The following RASSF5 variants were observed in gnomAD, a reference collection of about 807,000 sequenced individuals.
RASSF5 encodes the protein ras association domain-containing protein 5.
RASSF5 carries 25 observed loss-of-function variants against 40.5 expected under a neutral mutation model. That is an observed-to-expected ratio of 0.62 (90% CI 0.45 to 0.86). The LOEUF (loss-of-function observed/expected upper bound fraction) is 0.86. Among genes scored for constraint, RASSF5 ranks in the 40% least tolerant of loss-of-function variants. The pLI is 0.00. For synonymous variants in RASSF5, 246 were observed against 252.4 expected (o/e 0.97, Z 0.24); for missense variants, 521 against 572.8 (o/e 0.91, Z 0.92).
intron 2 of RASSF5, chr1:206,545,027 T>TG (rs71570011): frequency 1.3e-5 from 2 of 151,498 alleles, no homozygotes; most frequent in Non-Finnish European, 2.9e-5. Flanking sequence ...GTGCTGGGGG[T>TG]GGGGGGATGT....
intron 2 of RASSF5, among the ~76,000 whole-genome samples, chr1:206,582,396 T>C (rs1668926936): frequency 6.6e-6 from 1 of 152,202 alleles, no homozygotes; most frequent in African/African-American, 2.4e-5. Context: ...TTCTGTTTCA[T>C]TCTGTACATA....
chr1:206,524,003 G>A (rs1217251914), intron 1 of RASSF5, among the ~76,000 whole-genome samples: 126 of 105,106 alleles, frequency 1.2e-3, no homozygotes, highest in African/African-American at 3.0e-3. Context: ...ATCATATATA[G>A]TATATTTTAT....
intron 2 of RASSF5, among the ~76,000 whole-genome samples, chr1:206,565,594 C>T (rs1240855676): frequency 6.6e-6 from 1 of 152,196 alleles, no homozygotes; most frequent in Non-Finnish European, 1.5e-5. Context: ...TGTAACAGAC[C>T]CTAGCTGCTC....
At chr1:206,559,444 G>T (rs917770192) in intron 2 of RASSF5, among the ~76,000 whole-genome samples, 4 of 152,216 alleles carry the variant, frequency 2.6e-5, no homozygotes, top group African/African-American at 9.7e-5. Context: ...ACACTGGGAT[G>T]GGGTTGGTGT....
At chr1:206,522,205 G>A (rs1190398847) in intron 1 of RASSF5, among the ~76,000 whole-genome samples, 1 of 152,076 alleles carries the variant, frequency 6.6e-6, no homozygotes, top group Admixed American at 6.6e-5. Context: ...AGTGAGCTAT[G>A]GGAGGCCCTC....
At chr1:206,582,692 A>G (rs924282181) in intron 2 of RASSF5, among the ~76,000 whole-genome samples, 21 of 152,174 alleles carry the variant, frequency 1.4e-4, no homozygotes, top group African/African-American at 4.8e-4. Flanking sequence ...CTATGTGAAA[A>G]GCACTGTGGC....
intron 1 of RASSF5, among the ~76,000 whole-genome samples, chr1:206,520,025 A>G (rs1291256380): frequency 6.6e-6 from 1 of 152,186 alleles, no homozygotes; most frequent in Non-Finnish European, 1.5e-5. Context: ...AGAATTATTC[A>G]GCAGATCATT....
intron 1 of RASSF5, among the ~76,000 whole-genome samples, chr1:206,523,492 A>G (rs60456447): frequency 5.6e-5 from 1 of 17,792 alleles, no homozygotes; most frequent in Non-Finnish European, 7.8e-5. Flanking sequence ...ATAATATTAT[A>G]TATTATATAT....
intron 1 of RASSF5, among the ~76,000 whole-genome samples, chr1:206,519,068 C>A (rs1553395743): frequency 6.6e-6 from 1 of 152,024 alleles, no homozygotes; most frequent in Non-Finnish European, 1.5e-5. Context: ...GACAGGAGTC[C>A]CGGCCTCGGG....
At chr1:206,521,938 G>T (rs1553396176) in intron 1 of RASSF5, among the ~76,000 whole-genome samples, 1 of 152,210 alleles carries the variant, frequency 6.6e-6, no homozygotes. Flanking sequence ...GGCCGAGAGG[G>T]TATCTGGCAG....
intron 1 of RASSF5, among the ~76,000 whole-genome samples, chr1:206,511,424 T>C (rs781942063): frequency 6.6e-6 from 1 of 152,150 alleles, no homozygotes; most frequent in Non-Finnish European, 1.5e-5. Context: ...TTTCATCTCA[T>C]TTTGGTGGCT....
intron 2 of RASSF5, among the ~76,000 whole-genome samples, chr1:206,581,637 GA>G (rs1558522587): frequency 6.6e-6 from 1 of 150,714 alleles, no homozygotes; most frequent in African/African-American, 2.5e-5. Context: ...AGAGAGGGGG[GA>G]GAGAGAGAGA....
At chr1:206,577,580 AAC>A (rs1409806165) in intron 2 of RASSF5, among the ~76,000 whole-genome samples, 3 of 152,218 alleles carry the variant, frequency 2.0e-5, no homozygotes, top group Non-Finnish European at 4.4e-5. Flanking sequence ...TCAGAAGCCC[AAC>A]ACACACTTGT....
intron 2 of RASSF5, among the ~76,000 whole-genome samples, chr1:206,538,690 A>G (rs968048290): frequency 6.6e-6 from 1 of 152,238 alleles, no homozygotes; most frequent in Non-Finnish European, 1.5e-5. Context: ...CCCAACCTTC[A>G]GAGAGGCTGG....
chr1:206,548,595 A>G (rs1384063525), intron 2 of RASSF5, among the ~76,000 whole-genome samples: 7 of 152,244 alleles, frequency 4.6e-5, no homozygotes, highest in Non-Finnish European at 1.0e-4. Context: ...TCCAAACTGT[A>G]TCACACTGGT....
chr1:206,531,157 G>A lies in RASSF5; in HGVS notation c.458-7015G>A, dbSNP rs1027446108. Reference sequence around the variant, plus strand: ...GAGGTTAGGACACCGGCCTGGGGTCGGATCAGCACTCGCACTCTGGTCTCT... The same window carrying A: ...GAGGTTAGGACACCGGCCTGGGGTCAGATCAGCACTCGCACTCTGGTCTCT... On this transcript the variant is annotated intron_variant, in intron 1 of 5. Transcript: ENST00000579436. This position sits in a 1 kb window ranked among gnomAD's most constrained non-coding sequence, Gnocchi z 4.7. 5.9e-5 allele frequency among the ~76,000 whole-genome samples: 9 copies of A among 152,174 alleles called. No individual in the cohort carries two copies. Among genetic ancestry groups the A allele is most frequent in the South Asian group, 4.1e-4 (2 of 4,826 alleles).
Position 206,526,933 on chromosome 1 carries a change from G to A in RASSF5, c.458-11239G>A, listed in dbSNP as rs12565199. Reference sequence around the variant, plus strand: ...TATGCCAGGTGCCGTTGGATGCTTTGCATACATACTCTCTAATTTTGGCAA... The same window carrying A: ...TATGCCAGGTGCCGTTGGATGCTTTACATACATACTCTCTAATTTTGGCAA... On this transcript the variant is annotated intron_variant, in intron 1 of 5. Transcript: ENST00000579436. 4.4e-3 allele frequency among the ~76,000 whole-genome samples: 673 copies of A among 152,278 alleles called. 56 individuals are homozygous for A. In the East Asian group the frequency reaches 0.12, roughly 27 times the overall value.
Position 206,589,048 on chromosome 1 carries a change from C to CTT in RASSF5, c.*2072_*2073dup, listed in dbSNP as rs1474536432. On this transcript the variant is annotated 3_prime_UTR_variant, in exon 6 of 6. Coordinates refer to ENST00000579436, the MANE Select transcript of RASSF5 (RefSeq NM_182663.4). ...TGAGAAAATTATTGGACAATTCAGA[C>CTT]TTTACTAAAGCACAGTTAGACCCAA... 2 of 152,826 alleles carry CTT rather than the reference C, an allele frequency of 1.3e-5. No individual in the cohort carries two copies. Among genetic ancestry groups the CTT allele is most frequent in the African/African-American group, 4.8e-5 (2 of 41,518 alleles). The allele number at this position is 152,826 out of a possible 1,614,324, so 9.5% of individuals were successfully genotyped here. A position where few individuals can be genotyped will look rare whatever the true frequency, so the allele number is the denominator to read the frequency against.
intron 2 of RASSF5, chr1:206,544,355 T>C (rs557605775): frequency 6.6e-6 from 1 of 152,316 alleles, no homozygotes; most frequent in Non-Finnish European, 1.5e-5. Flanking sequence ...TTTTTAACTG[T>C]GTAACTCCTG....
Sources: allele counts gnomAD v4.1 joint callset (sites outside exome capture counted in the v4.1 genomes callset), GRCh38; gene constraint gnomAD v4.1.1; non-coding constraint Gnocchi (gnomAD v3.1); transcripts MANE v1.5; gene names NCBI Gene and HGNC (gene_info 2026-07-23, HGNC 2026-07-21).